The following DPYSL5 variants were observed in gnomAD, a reference collection of about 807,000 sequenced individuals.
DPYSL5 encodes dihydropyrimidinase like 5, also known as dihydropyrimidinase-related protein 5.
A neutral mutation model predicts 58.4 loss-of-function variants in DPYSL5; 9 were observed. The ratio of observed to expected loss-of-function variants is 0.15; its 90% CI spans 0.09 to 0.27. The LOEUF is 0.27. Among genes scored for constraint, DPYSL5 ranks in the 10% least tolerant of loss-of-function variants. The probability of loss-of-function intolerance (pLI) is 1.00; values close to 1 mark genes in which losing one functional copy is unlikely to be tolerated. For missense variants in DPYSL5, 499 were observed against 770.6 expected, an observed-to-expected ratio of 0.65 and a Z score of 4.17; for synonymous variants, 293 against 301.9, an observed-to-expected ratio of 0.97 and a Z score of 0.31.
At chr2:26,859,470 A>C (rs1665959457) in intron 1 of DPYSL5, among the ~76,000 whole-genome samples, 1 of 152,170 alleles carries the variant, frequency 6.6e-6, no homozygotes, top group Non-Finnish European at 1.5e-5. Context: ...TTCAGGACCA[A>C]CTTCACAAAG....
chr2:26,854,888 T>C (rs1034315154), intron 1 of DPYSL5, among the ~76,000 whole-genome samples: 28 of 151,932 alleles, frequency 1.8e-4, no homozygotes, highest in Non-Finnish European at 3.2e-4. Flanking sequence ...GTGCGATCTC[T>C]GCTCACTGCA....
chr2:26,920,591 C>T (rs1211689589), intron 2 of DPYSL5, among the ~76,000 whole-genome samples: 1 of 152,162 alleles, frequency 6.6e-6, no homozygotes, highest in African/African-American at 2.4e-5. Flanking sequence ...CATGGTGAAA[C>T]ACCATCTGTA....
In DPYSL5 at chr2:26,946,927, C is replaced by A; in HGVS notation, c.1627C>A (p.His543Asn). 1 of 1,614,146 alleles carries A rather than the reference C, an allele frequency of 6.2e-7. No individual in the cohort carries two copies. Among genetic ancestry groups the A allele is most frequent in the South Asian group, 1.1e-5 (1 of 91,076 alleles). The change falls in exon 13 of 13, where the codon CAT (histidine) becomes AAT (asparagine). Residue 543 changes from histidine (H) to asparagine (N), a missense_variant. This residue lies in a region of DPYSL5 where 33 missense variants were observed against 63.8 expected (regional missense o/e 0.52). Transcript: ENST00000288699. ...CCCTGCAGGCTCTCAGATCGATGAC[C>A]ATGTTCCAAAGCGAGCTTCAGCTCG... ...FSLSGSQIDD[H>N]VPKRASARIL...
chr2:26,939,341 TG>T (rs1665260384), intron 8 of DPYSL5: 1 of 152,170 alleles, frequency 6.6e-6, no homozygotes, highest in Non-Finnish European at 1.5e-5. Flanking sequence ...GGTTTCACCA[TG>T]TTGCCAAGGC....
At chr2:26,860,246 T>G (rs1490374217) in intron 1 of DPYSL5, among the ~76,000 whole-genome samples, 1 of 152,190 alleles carries the variant, frequency 6.6e-6, no homozygotes, top group Non-Finnish European at 1.5e-5. Context: ...CAAAGGGACA[T>G]GATTGTCAAA....
At chr2:26,888,203 CCTTT>C (rs1463352624) in intron 1 of DPYSL5, among the ~76,000 whole-genome samples, 2 of 132,054 alleles carry the variant, frequency 1.5e-5, no homozygotes, top group Admixed American at 7.3e-5. Flanking sequence ...TCCTTCCTTC[CCTTT>C]CTTTTCTTTC....
rs575488526 is a variant in DPYSL5 at position 26,949,805 on chromosome 2, A to C, written c.*2810A>C. The C allele has an allele frequency of 2.2e-4, 33 of 151,934 alleles. No individual in the cohort carries two copies. Among genetic ancestry groups the C allele is most frequent in the African/African-American group, 8.0e-4 (33 of 41,290 alleles). 9.4% of individuals were successfully genotyped at this position (151,934 alleles called of 1,614,324 possible). ...AATGAGCGGTCAGCCCCCACCATGC[A>C]CTCCTTGCCCCGTGCAGAGCTCCAG... On this transcript the variant is annotated 3_prime_UTR_variant, in exon 13 of 13. Coordinates refer to ENST00000288699, the MANE Select transcript of DPYSL5 (RefSeq NM_020134.4).
intron 2 of DPYSL5, among the ~76,000 whole-genome samples, chr2:26,917,180 G>C (rs1393062953): frequency 6.6e-6 from 1 of 152,218 alleles, no homozygotes; most frequent in Non-Finnish European, 1.5e-5. Flanking sequence ...ACGTAGATCT[G>C]CCTGCCTGAA....
chr2:26,881,190 C>T (rs538519931), intron 1 of DPYSL5, among the ~76,000 whole-genome samples: 1 of 152,300 alleles, frequency 6.6e-6, no homozygotes, highest in South Asian at 2.1e-4. Flanking sequence ...TCCTCCTCAC[C>T]TCCCCTCTGT....
chr2:26,857,444 G>A (rs1270210096), intron 1 of DPYSL5, among the ~76,000 whole-genome samples: 1 of 152,102 alleles, frequency 6.6e-6, no homozygotes, highest in Non-Finnish European at 1.5e-5. Context: ...GGAAGCTGAG[G>A]CAGGAGAATC....
chr2:26,939,978 C>G (rs1665274332), intron 8 of DPYSL5, 53 bp from the exon 9 acceptor site: 1 of 1,610,316 alleles, frequency 6.2e-7, no homozygotes, highest in Non-Finnish European at 8.5e-7. Flanking sequence ...TCCTCACCCT[C>G]TAAGTTCCTC....
Position 26,898,042 on chromosome 2 carries a change from G to A in DPYSL5, c.-4-454G>A, listed in dbSNP as rs887266024. Among the ~76,000 whole-genome samples the A allele has an allele frequency of 3.9e-5, 6 of 152,176 alleles. No homozygotes were observed. The highest frequency in any genetic ancestry group is 7.4e-5 in the Non-Finnish European group (5 of 68,022). The stretch of plus-strand genomic sequence containing the variant: ...GAGGCTCTGGTGTTTTCAGGATACC[G>A]TGCAGTGTAAGGGAGACATTTGTTG... On this transcript the variant is annotated intron_variant, in intron 1 of 12. Coordinates refer to ENST00000288699, the MANE Select transcript of DPYSL5 (RefSeq NM_020134.4). This position sits in a 1 kb window ranked among gnomAD's most constrained non-coding sequence, Gnocchi z 6.1.
rs188495595 is a variant in DPYSL5 at position 26,902,598 on chromosome 2, T to C, written c.261+3838T>C. The stretch of plus-strand genomic sequence containing the variant: ...TGTCTAGGCCAGTGATTTTCACCCT[T>C]TGGAAGCAAATTACATCAGAACTGT... On this transcript the variant is annotated intron_variant, in intron 2 of 12. Transcript: ENST00000288699. Among the ~76,000 whole-genome samples the C allele has an allele frequency of 5.1e-3, 772 of 152,276 alleles. 11 individuals carry two copies. Among genetic ancestry groups the C allele is most frequent in the African/African-American group, 0.018 (742 of 41,546 alleles).
At chr2:26,912,342 C>G (rs148111715) in intron 2 of DPYSL5, among the ~76,000 whole-genome samples, 14 of 152,336 alleles carry the variant, frequency 9.2e-5, no homozygotes, top group African/African-American at 3.4e-4. Context: ...CTTTATGGCA[C>G]TGTCACACCT....
chr2:26,879,000 T>C (rs181566506), intron 1 of DPYSL5, among the ~76,000 whole-genome samples: 1 of 152,332 alleles, frequency 6.6e-6, no homozygotes, highest in Non-Finnish European at 1.5e-5. Flanking sequence ...CAGCTCCTTG[T>C]CTCCTATTGA....
At chr2:26,882,504 A>G (rs897327214) in intron 1 of DPYSL5, among the ~76,000 whole-genome samples, 2 of 151,182 alleles carry the variant, frequency 1.3e-5, no homozygotes, top group Non-Finnish European at 2.9e-5. Flanking sequence ...CTGTTCTCAA[A>G]CTCCTAGGCA....
At chr2:26,941,455 G>A (rs77906779) in intron 9 of DPYSL5, among the ~76,000 whole-genome samples, 2 of 152,190 alleles carry the variant, frequency 1.3e-5, no homozygotes, top group Admixed American at 6.5e-5. Flanking sequence ...ATCTAAAATA[G>A]TATGAGCCCC....
chr2:26,885,937 G>A lies in DPYSL5; in HGVS notation c.-4-12559G>A, dbSNP rs940792639. Among the ~76,000 whole-genome samples, 5 of 152,204 alleles carry A rather than the reference G, an allele frequency of 3.3e-5. No individual in the cohort carries two copies. The East Asian group carries it at 9.6e-4, about 29-fold the overall frequency. ...CTTCCTGGATGTCGACCCTGGCCTG[G>A]GTTGGATAGGAATCTGGGAAGAGTC... On this transcript the variant is annotated intron_variant, in intron 1 of 12. Coordinates refer to ENST00000288699, the MANE Select transcript of DPYSL5 (RefSeq NM_020134.4).
In DPYSL5 at chr2:26,934,495, C is replaced by T; in HGVS notation, c.791-83C>T. 1 of 1,516,192 alleles carries T rather than the reference C, an allele frequency of 6.6e-7. No individual in the cohort carries two copies. The highest frequency in any genetic ancestry group is 8.9e-7 in the Non-Finnish European group (1 of 1,123,458). 93.9% of individuals were successfully genotyped at this position (1,516,192 alleles called of 1,614,324 possible). ...TTCCTGTCTCTGACCTCAGCTCCTT[C>T]ACCTGTAAAATGAGAGGCACACACC... On this transcript the variant is annotated intron_variant, in intron 7 of 12. Coordinates refer to ENST00000288699, the MANE Select transcript of DPYSL5 (RefSeq NM_020134.4). This position sits in a 1 kb window ranked among gnomAD's most constrained non-coding sequence, Gnocchi z 4.3.
Sources: allele counts gnomAD v4.1 joint callset (sites outside exome capture counted in the v4.1 genomes callset), GRCh38; gene constraint gnomAD v4.1.1; regional missense constraint gnomAD v4.1.1; non-coding constraint Gnocchi (gnomAD v3.1); transcripts MANE v1.5; gene names NCBI Gene and HGNC (gene_info 2026-07-23, HGNC 2026-07-21).